The following HSFY2 variants were observed in gnomAD, a reference collection of about 807,000 sequenced individuals.
HSFY2 encodes the protein heat shock transcription factor, Y-linked.
chrY:18,759,073 C>A, intron 1 of HSFY2, among the ~76,000 whole-genome samples: 1 of 27,632 alleles, frequency 3.6e-5, no homozygotes, highest in African/African-American at 1.4e-4. Flanking sequence ...CCGTCCTACA[C>A]AGAAGACAGC....
At chrY:18,770,003 GTA>G (rs746859090), downstream of HSFY2, among the ~76,000 whole-genome samples, 287 of 27,235 alleles carry the variant, frequency 0.011, no homozygotes, top group African/African-American at 0.041. Context: ...GTGTGTGTGT[GTA>G]TATACACACA....
At chrY:18,759,065 G>A (rs1603536456) in intron 1 of HSFY2, among the ~76,000 whole-genome samples, 2 of 27,286 alleles carry the variant, frequency 7.3e-5, no homozygotes, top group East Asian at 1.1e-3. Flanking sequence ...TGAAATAGCC[G>A]TCCTACACAG....
chrY:18,786,228 G>C, the HSFY2 span, among the ~76,000 whole-genome samples: 2 of 7,804 alleles, frequency 2.6e-4, no homozygotes, highest in African/African-American at 1.1e-3. Context: ...TCACCATGGA[G>C]TTAACCCAGA....
chrY:18,769,967 A>ATG (rs1556289200), downstream of HSFY2, among the ~76,000 whole-genome samples: 593 of 22,452 alleles, frequency 0.026, no homozygotes, highest in East Asian at 0.06. Flanking sequence ...ATTCACATAC[A>ATG]TGTGTGTGTG....
downstream of HSFY2, among the ~76,000 whole-genome samples, chrY:18,770,003 G>A (rs879005214): frequency 8.0e-4 from 22 of 27,606 alleles, no homozygotes; most frequent in African/African-American, 3.5e-3. Context: ...GTGTGTGTGT[G>A]TATATACACA....
At chrY:18,759,096 T>A (rs1603536458) in intron 1 of HSFY2, among the ~76,000 whole-genome samples, 4 of 27,198 alleles carry the variant, frequency 1.5e-4, no homozygotes, top group Non-Finnish European at 3.5e-4. Context: ...CTCCCAATTT[T>A]AAAAAAAACA....
At chrY:18,770,003 G>GTGTATA (rs2044540428), downstream of HSFY2, among the ~76,000 whole-genome samples, 3 of 27,643 alleles carry the variant, frequency 1.1e-4, no homozygotes, top group African/African-American at 4.8e-4. Flanking sequence ...GTGTGTGTGT[G>GTGTATA]TATATACACA....
chrY:18,788,595 G>A, the HSFY2 span, among the ~76,000 whole-genome samples: 1 of 9,748 alleles, frequency 1.0e-4, no homozygotes. Flanking sequence ...AACCCGGGAG[G>A]CGGAGCCTGC....
chrY:18,746,123 CT>C (rs2044538793), intron 1 of HSFY2, among the ~76,000 whole-genome samples: 1 of 15,506 alleles, frequency 6.4e-5, no homozygotes, highest in Non-Finnish European at 1.3e-4. Flanking sequence ...CCCTATACCC[CT>C]ATCTGCCTCC....
chrY:18,758,996 G>GA (rs2044539473), intron 1 of HSFY2, among the ~76,000 whole-genome samples: 10 of 14,454 alleles, frequency 6.9e-4, no homozygotes, highest in African/African-American at 1.9e-3. Context: ...ACGACTGCTG[G>GA]AAAAAAAAAA....
At chrY:18,759,167 C>G in intron 1 of HSFY2, among the ~76,000 whole-genome samples, 1 of 23,621 alleles carries the variant, frequency 4.2e-5, no homozygotes, top group African/African-American at 1.7e-4. Context: ...ATATATGATA[C>G]TTGATGTTCA....
chrY:18,788,660 G>A, the HSFY2 span, among the ~76,000 whole-genome samples: 1 of 17,824 alleles, frequency 5.6e-5, no homozygotes, highest in East Asian at 1.1e-3. Context: ...GCAAGACTCC[G>A]TCTCAAAAAA....
At chrY:18,769,967 ATG>A (rs1556289200), downstream of HSFY2, among the ~76,000 whole-genome samples, 23 of 24,983 alleles carry the variant, frequency 9.2e-4, no homozygotes, top group Non-Finnish European at 1.6e-3. Flanking sequence ...ATTCACATAC[ATG>A]TGTGTGTGTG....
the HSFY2 span, among the ~76,000 whole-genome samples, chrY:18,786,077 C>T: frequency 1.7e-4 from 3 of 18,174 alleles, no homozygotes; most frequent in Admixed American, 1.3e-3. Flanking sequence ...CTAACCAGGA[C>T]CTGAACTCTA....
intron 1 of HSFY2, among the ~76,000 whole-genome samples, chrY:18,759,074 A>G (rs2044539660): frequency 3.5e-5 from 1 of 28,717 alleles, no homozygotes; most frequent in African/African-American, 1.4e-4. Context: ...CGTCCTACAC[A>G]GAAGACAGCT....
downstream of HSFY2, among the ~76,000 whole-genome samples, chrY:18,769,967 A>G (rs1603536477): frequency 3.6e-4 from 9 of 25,094 alleles, no homozygotes; most frequent in Non-Finnish European, 6.6e-4. Flanking sequence ...ATTCACATAC[A>G]TGTGTGTGTG....
chrY:18,786,115 C>G, the HSFY2 span, among the ~76,000 whole-genome samples: 1 of 23,203 alleles, frequency 4.3e-5, no homozygotes, highest in African/African-American at 1.7e-4. Flanking sequence ...TTATTCTTAT[C>G]CTAACACCAA....
At chrY:18,786,183 G>A in the HSFY2 span, among the ~76,000 whole-genome samples, 1 of 17,648 alleles carries the variant, frequency 5.7e-5, no homozygotes, top group Admixed American at 6.6e-4. Context: ...CCTTACTGTC[G>A]CCTTAGTTCT....
chrY:18,759,196 T>TA (rs2044539837), intron 1 of HSFY2, among the ~76,000 whole-genome samples: 2 of 19,792 alleles, frequency 1.0e-4, no homozygotes, highest in Non-Finnish European at 2.2e-4. Flanking sequence ...AGCACCCTGA[T>TA]AAAGGTATGC....
Sources: gnomAD v4.1 joint callset for allele counts (sites outside exome capture counted in the v4.1 genomes callset) on GRCh38, gnomAD v4.1.1 for gene constraint, MANE v1.5 for transcripts, NCBI Gene and HGNC (gene_info 2026-07-23, HGNC 2026-07-21) for gene names.